The following TOX3 variants were observed in gnomAD, a reference collection of about 807,000 sequenced individuals.
The protein encoded by TOX3 is CAG trinucleotide repeat-containing gene F9 protein.
Under a neutral mutation model 64.3 loss-of-function variants are expected in TOX3, and 22 were observed. The ratio of observed to expected loss-of-function variants is 0.34; its 90% CI spans 0.24 to 0.49. The LOEUF (loss-of-function observed/expected upper bound fraction) is 0.49, where lower values mean the gene tolerates loss of function less well. Ranked by LOEUF, TOX3 falls within the 20% of genes least tolerant of loss-of-function variation. TOX3 has a pLI of 0.99. For missense variants in TOX3, 661 were observed against 714.4 expected (o/e 0.93, Z 0.85); for synonymous variants, 291 against 273.6 (o/e 1.06, Z -0.63).
intron 6 of TOX3, among the ~76,000 whole-genome samples, chr16:52,442,324 C>G (rs1214579925): frequency 6.6e-6 from 1 of 152,170 alleles, no homozygotes; most frequent in Admixed American, 6.5e-5. Context: ...ATTGATATTT[C>G]TGATGCTGGG....
chr16:52,528,180 C>G (rs1962765763), intron 1 of TOX3, among the ~76,000 whole-genome samples: 1 of 151,996 alleles, frequency 6.6e-6, no homozygotes, highest in Non-Finnish European at 1.5e-5. Flanking sequence ...AAAAACTGAC[C>G]CGATCTTAGG....
chr16:52,546,833 G>C lies in TOX3; in HGVS notation c.-110C>G. ...TCGAGGGCGCCCGGGGGTGGCGCGTGGGACTCGCGGCCGGAGGGGCGCCGG... is the reference window on the plus strand; with the variant it reads ...TCGAGGGCGCCCGGGGGTGGCGCGTCGGACTCGCGGCCGGAGGGGCGCCGG... On this transcript the variant is annotated 5_prime_UTR_variant, in exon 1 of 7. Transcript: ENST00000219746. 8.0e-7 allele frequency: 1 copy of C among 1,251,782 alleles called. No homozygotes were observed. Among genetic ancestry groups the C allele is most frequent in the East Asian group, 3.3e-5 (1 of 30,378 alleles). The allele number at this position is 1,251,782 out of a possible 1,614,324, so 77.5% of individuals were successfully genotyped here.
At chr16:52,539,602 T>C (rs1290207434) in intron 1 of TOX3, among the ~76,000 whole-genome samples, 2 of 152,200 alleles carry the variant, frequency 1.3e-5, no homozygotes, top group Non-Finnish European at 2.9e-5. Flanking sequence ...CCTGTCTCCT[T>C]CCTCTTGAAG....
chr16:52,519,543 C>T (rs1249701146), intron 1 of TOX3: 1 of 1,530,978 alleles, frequency 6.5e-7, no homozygotes, highest in Non-Finnish European at 8.8e-7. Flanking sequence ...CTTCTGTCCT[C>T]TGCTGGATGG....
chr16:52,490,625 A>ACTTTTTT, intron 1 of TOX3, among the ~76,000 whole-genome samples: 1 of 70,040 alleles, frequency 1.4e-5, no homozygotes. Context: ...TCTAGGATGT[A>ACTTTTTT]ATTTTTTTTT....
At chr16:52,503,100 G>A (rs1962048228) in intron 1 of TOX3, among the ~76,000 whole-genome samples, 1 of 152,040 alleles carries the variant, frequency 6.6e-6, no homozygotes, top group South Asian at 2.1e-4. Flanking sequence ...GCTGAAACTT[G>A]GTTTAAATTA....
At chr16:52,495,830 T>A (rs1292981623) in intron 1 of TOX3, among the ~76,000 whole-genome samples, 2 of 152,162 alleles carry the variant, frequency 1.3e-5, no homozygotes, top group East Asian at 3.9e-4. Flanking sequence ...GAAAAGATCA[T>A]CTATAAATCT....
At chr16:52,506,367 G>A (rs1011124088) in intron 1 of TOX3, among the ~76,000 whole-genome samples, 1 of 152,144 alleles carries the variant, frequency 6.6e-6, no homozygotes. Context: ...AGGATAGAAC[G>A]AGAAGGTAAA....
chr16:52,547,174 C>T (rs993356181), upstream of TOX3, among the ~76,000 whole-genome samples: 5 of 144,332 alleles, frequency 3.5e-5, no homozygotes. Context: ...TCCTTCTCCC[C>T]CTCCTGCCTC....
chr16:52,518,877 G>A (rs543516172), intron 1 of TOX3, among the ~76,000 whole-genome samples: 4 of 152,202 alleles, frequency 2.6e-5, no homozygotes, highest in East Asian at 1.9e-4. Flanking sequence ...GATTTGAATC[G>A]TATTTCAATA....
At position 52,442,922 on chromosome 16, in the gene TOX3, A is replaced by G. The variant is rs9925313; in HGVS notation, c.987+1354T>C. 3.8e-3 allele frequency among the ~76,000 whole-genome samples: 572 copies of G among 152,230 alleles called. 5 individuals carry two copies. The highest frequency in any genetic ancestry group is 0.013 in the African/African-American group (536 of 41,542). Reference sequence around the variant, plus strand: ...TTCTGAATCCTGATTCTAGTATGCAATGTGTAAGTTTTAAGTTATCCCCTC... The same window carrying G: ...TTCTGAATCCTGATTCTAGTATGCAGTGTGTAAGTTTTAAGTTATCCCCTC... On this transcript the variant is annotated intron_variant, in intron 6 of 6. Transcript: ENST00000219746.
chr16:52,480,286 G>T lies in TOX3; in HGVS notation c.88-11712C>A, dbSNP rs190256962. ...ATTCAGGTGAACCACTGTTATTATG[G>T]TTGCCAAAGTACTGTCAAGCCTTAA... On this transcript the variant is annotated intron_variant, in intron 1 of 6. Coordinates refer to ENST00000219746, the MANE Select transcript of TOX3 (RefSeq NM_001080430.4). Among the ~76,000 whole-genome samples, 4 of 152,268 alleles carry T rather than the reference G, an allele frequency of 2.6e-5. No individual in the cohort carries two copies. The East Asian group carries it at 7.7e-4, about 29-fold the overall frequency.
chr16:52,531,458 A>G (rs1473489040), intron 1 of TOX3, among the ~76,000 whole-genome samples: 1 of 152,172 alleles, frequency 6.6e-6, no homozygotes, highest in African/African-American at 2.4e-5. Flanking sequence ...GGACATAGCA[A>G]TTTACCCTGC....
chr16:52,527,135 T>C (rs1167761293), intron 1 of TOX3, among the ~76,000 whole-genome samples: 1 of 151,736 alleles, frequency 6.6e-6, no homozygotes, highest in Non-Finnish European at 1.5e-5. Context: ...TAAAAAGACT[T>C]CAGAGCTTGA....
intron 2 of TOX3, 71 bp downstream of exon 2, chr16:52,468,438 T>C: frequency 2.2e-6 from 3 of 1,363,776 alleles, no homozygotes; most frequent in Non-Finnish European, 3.1e-6. Flanking sequence ...ACTTTGTTTT[T>C]CCCTTCAAGC....
intron 2 of TOX3, 118 bp downstream of exon 2, chr16:52,468,391 G>A: frequency 1.2e-6 from 1 of 810,096 alleles, no homozygotes. Flanking sequence ...CTCCAAAGTA[G>A]TTACCTTGTG....
At chr16:52,539,521 C>CCTCACTGA (rs1963030600) in intron 1 of TOX3, among the ~76,000 whole-genome samples, 1 of 152,180 alleles carries the variant, frequency 6.6e-6, no homozygotes, top group Non-Finnish European at 1.5e-5. Context: ...TAAATTACTG[C>CCTCACTGA]CTCACTGACT....
intron 1 of TOX3, among the ~76,000 whole-genome samples, chr16:52,530,975 A>C (rs1962840872): frequency 6.6e-6 from 1 of 152,208 alleles, no homozygotes; most frequent in South Asian, 2.1e-4. Flanking sequence ...ACTATGAAGA[A>C]AGGCTCCGAT....
At chr16:52,450,123 T>C (rs1162802250) in intron 4 of TOX3, among the ~76,000 whole-genome samples, 154 bp downstream of exon 4, 1 of 152,166 alleles carries the variant, frequency 6.6e-6, no homozygotes, top group East Asian at 1.9e-4. Context: ...AGAAAATAAA[T>C]GAAAGAGTGA....
Sources: allele counts gnomAD v4.1 joint callset (sites outside exome capture counted in the v4.1 genomes callset), GRCh38; gene constraint gnomAD v4.1.1; transcripts MANE v1.5; gene names NCBI Gene and HGNC (gene_info 2026-07-23, HGNC 2026-07-21).